SPG11: variants seen among roughly 807,000 people sequenced by gnomAD.
SPG11 encodes the protein spatacsin.
Under a neutral mutation model 274.0 loss-of-function variants are expected in SPG11, and 222 were observed. The observed-to-expected ratio is 0.81, with a 90% CI of 0.73 to 0.91. SPG11 has a LOEUF of 0.91. SPG11 is among the 40% of genes least tolerant of loss of function. The probability of loss-of-function intolerance (pLI) is 0.00; values close to 1 mark genes in which losing one functional copy is unlikely to be tolerated. For synonymous variants in SPG11, 1,144 were observed against 1,039.7 expected (o/e 1.10, Z -1.93); for missense variants, 3,114 against 2,872.7 (o/e 1.08, Z -1.92).
chr15:44,639,304 CACAG>C (rs1348829683), intron 7 of SPG11, among the ~76,000 whole-genome samples: 6 of 150,152 alleles, frequency 4.0e-5, no homozygotes, highest in African/African-American at 1.5e-4. Context: ...CACACACACA[CACAG>C]AGATGGAGAG....
At chr15:44,661,810 T>C (rs758195985) in intron 1 of SPG11, among the ~76,000 whole-genome samples, 5 of 152,134 alleles carry the variant, frequency 3.3e-5, no homozygotes, top group Non-Finnish European at 7.4e-5. Context: ...ATTTCAACAA[T>C]ATTAAAAAGA....
At chr15:44,601,779 G>A (rs2083196865) in intron 20 of SPG11, among the ~76,000 whole-genome samples, 4 of 151,960 alleles carry the variant, frequency 2.6e-5, no homozygotes, top group African/African-American at 7.3e-5. Flanking sequence ...GGCTGGTCTC[G>A]AACTCCTGGC....
chr15:44,629,423 AC>A, intron 8 of SPG11, 35 bp from the exon 9 acceptor site: 1 of 1,595,742 alleles, frequency 6.3e-7, no homozygotes, highest in Non-Finnish European at 8.6e-7. Context: ...CATAAAGAAC[AC>A]CAGGATACTC....
chr15:44,567,536 G>A lies in SPG11; in HGVS notation c.6642C>T (p.Asp2214=). The change falls in exon 36 of 40, where the codon GAC becomes GAT. Residue 2214 remains aspartate (D), a synonymous_variant. Transcript: ENST00000261866. ...LDYIKRCRPG[D]SEKHNMIALC... ...GGGCAATCATATTGTGCTTTTCACT[G>A]TCTCCAGGACGGCAGCGTTTGATGT... 1 of 1,613,950 alleles carries A rather than the reference G, an allele frequency of 6.2e-7. No individual in the cohort carries two copies. Among genetic ancestry groups the A allele is most frequent in the Non-Finnish European group, 8.5e-7 (1 of 1,179,980 alleles).
At chr15:44,563,819 G>C (rs1438858576) in intron 39 of SPG11, among the ~76,000 whole-genome samples, 1 of 152,198 alleles carries the variant, frequency 6.6e-6, no homozygotes, top group Non-Finnish European at 1.5e-5. Flanking sequence ...AGTGAGGGCT[G>C]TCAGCTCTGA....
chr15:44,605,140 T>A (rs550880484), intron 20 of SPG11, among the ~76,000 whole-genome samples: 1 of 151,914 alleles, frequency 6.6e-6, no homozygotes, highest in Non-Finnish European at 1.5e-5. Flanking sequence ...AGTGATGGAG[T>A]TGGAGCCATC....
Position 44,663,657 on chromosome 15 carries a change from G to C in SPG11, c.-10C>G. On this transcript the variant is annotated 5_prime_UTR_variant, in exon 1 of 40. Transcript: ENST00000261866. ...CTTCCTCTGCAGCCATCTTGGCCCG[G>C]CGGTTACTTCCGGTCACTTTCGCCG... is the stretch of plus-strand genomic sequence containing the variant. The C allele has an allele frequency of 1.3e-6, 2 of 1,588,736 alleles. No homozygotes were observed. The highest frequency in any genetic ancestry group is 2.2e-5 in the East Asian group (1 of 44,550).
chr15:44,626,294 A>T (rs183463544), intron 11 of SPG11, 37 bp downstream of exon 11: 1 of 1,532,068 alleles, frequency 6.5e-7, no homozygotes, highest in Non-Finnish European at 8.9e-7. Context: ...AAATTATATT[A>T]AATACATTTT....
chr15:44,659,096 C>T lies in SPG11; in HGVS notation c.650G>A (p.Ser217Asn), dbSNP rs1037956688. The change falls in exon 3 of 40, where the codon AGT (serine) becomes AAT (asparagine). Residue 217 changes from serine to asparagine, a missense_variant. By Grantham distance (46) the Ser-to-Asn change is conservative. Transcript: ENST00000261866. ...QLCRGILFVL[S>N]SLGWIYIFDV... ...AAGGATACAGATCCAGCCTAAACTA[C>T]TCAAAACAAAAAGAATTCCTCTGCA... 5.0e-6 allele frequency: 8 copies of T among 1,614,084 alleles called. No individual in the cohort carries two copies. In the Admixed American group the frequency reaches 1.2e-4, roughly 24 times the overall value.
Position 44,589,254 on chromosome 15 carries a change from T to C in SPG11, c.4904A>G (p.Asp1635Gly), listed in dbSNP as rs371081091. Reference protein sequence around the residue: ...LFVEREHLFSDGPDVKKLCIL... With the variant: ...LFVEREHLFSGGPDVKKLCIL... ...CTTAACTGTAAGGATTGTCTTACCA[T>C]CAGAGAAGAGATGCTCTCTTTCAAC... Residue 1635 changes from aspartate to glycine, a missense_variant and splice_region_variant, in exon 28 of 40, where the codon GAT (aspartate) becomes GGT (glycine). By Grantham distance (94) the Asp-to-Gly change is moderately conservative. Transcript: ENST00000261866. The C allele has an allele frequency of 6.2e-7, 1 of 1,613,756 alleles. No individual in the cohort carries two copies. The highest frequency in any genetic ancestry group is 8.5e-7 in the Non-Finnish European group (1 of 1,179,940).
Position 44,663,652 on chromosome 15 carries a change from G to C in SPG11, c.-5C>G. On this transcript the variant is annotated 5_prime_UTR_variant, in exon 1 of 40. Transcript: ENST00000261866. Reference sequence around the variant, plus strand: ...GACCCCTTCCTCTGCAGCCATCTTGGCCCGGCGGTTACTTCCGGTCACTTT... The same window carrying C: ...GACCCCTTCCTCTGCAGCCATCTTGCCCCGGCGGTTACTTCCGGTCACTTT... 4 of 1,590,628 alleles carry C rather than the reference G, an allele frequency of 2.5e-6. No homozygotes were observed. Among genetic ancestry groups the C allele is most frequent in the Non-Finnish European group, 3.4e-6 (4 of 1,174,906 alleles).
In SPG11 at chr15:44,663,604, C is replaced by T. The variant is rs763155228; in HGVS notation, c.44G>A (p.Gly15Asp). 6.3e-5 allele frequency: 100 copies of T among 1,596,580 alleles called. No individual in the cohort carries two copies. In the Middle Eastern group the frequency reaches 9.9e-4, roughly 16 times the overall value. The change falls in exon 1 of 40, where the codon GGT becomes GAT. Residue 15 changes from glycine (G) to aspartate (D), a missense_variant. Coordinates refer to ENST00000261866, the MANE Select transcript of SPG11 (RefSeq NM_025137.4). ...EGVASAASAG[G>D]SWGTAAMGRV... ...CCCCATGGCCGCGGTGCCCCAGCTA[C>T]CGCCGGCGGAAGCAGCACTCGCGAC...
chr15:44,618,312 A>G (rs1305878131), intron 15 of SPG11, among the ~76,000 whole-genome samples: 1 of 142,666 alleles, frequency 7.0e-6, no homozygotes. Flanking sequence ...ATTGAGACCA[A>G]TCTGGCTAAC....
At chr15:44,566,420 G>A in intron 36 of SPG11, 115 bp from the exon 37 acceptor site, 1 of 1,004,046 alleles carries the variant, frequency 1.0e-6, no homozygotes, top group Non-Finnish European at 1.5e-6. Flanking sequence ...TCACAGGCAG[G>A]CAGGAACACC....
intron 30 of SPG11, among the ~76,000 whole-genome samples, chr15:44,577,513 A>C (rs536626864): frequency 3.8e-4 from 58 of 151,606 alleles, no homozygotes; most frequent in Non-Finnish European, 1.8e-4. Flanking sequence ...AAAAAAAAAA[A>C]AAAAAACAAA....
chr15:44,577,513 A>AC (rs1035059368), intron 30 of SPG11, among the ~76,000 whole-genome samples: 8 of 151,606 alleles, frequency 5.3e-5, no homozygotes, highest in African/African-American at 1.7e-4. Context: ...AAAAAAAAAA[A>AC]AAAAAACAAA....
chr15:44,632,172 T>C (rs992486734), intron 8 of SPG11, among the ~76,000 whole-genome samples: 2 of 152,132 alleles, frequency 1.3e-5, no homozygotes, highest in African/African-American at 4.8e-5. Context: ...GATTGAAGAT[T>C]GAAACTGGAC....
chr15:44,594,376 A>G (rs1352807012), intron 26 of SPG11, among the ~76,000 whole-genome samples: 1 of 151,872 alleles, frequency 6.6e-6, no homozygotes, highest in African/African-American at 2.4e-5. Flanking sequence ...CAGTGAGCCG[A>G]GATCGTGCCA....
Position 44,584,052 on chromosome 15 carries a change from C to G in SPG11, c.5628G>C (p.Glu1876Asp), listed in dbSNP as rs758313148. The G allele has an allele frequency of 6.2e-7, 1 of 1,614,238 alleles. No individual in the cohort carries two copies. The highest frequency in any genetic ancestry group is 1.7e-5 in the Admixed American group (1 of 60,032). The change falls in exon 30 of 40, where the codon GAG becomes GAC. Residue 1876 changes from glutamate to aspartate, a missense_variant. Coordinates refer to ENST00000261866, the MANE Select transcript of SPG11 (RefSeq NM_025137.4). Reference sequence around the variant, plus strand: ...GGCGCCCAATCAAAAAGTTTAGTGACTCCTGCTCTTTCCAATCCAATCTAT... The same window carrying G: ...GGCGCCCAATCAAAAAGTTTAGTGAGTCCTGCTCTTTCCAATCCAATCTAT... ...CENRLDWKEQ[E>D]SLNFLIGRLL...
Sources: gnomAD v4.1 joint callset for allele counts (sites outside exome capture counted in the v4.1 genomes callset) on GRCh38, gnomAD v4.1.1 for gene constraint, MANE v1.5 for transcripts, NCBI Gene and HGNC (gene_info 2026-07-23, HGNC 2026-07-21) for gene names.